Variants in ATF7 observed in about 807,000 individuals in gnomAD.
ATF7 encodes cyclic AMP-dependent transcription factor ATF-7.
In ATF7, 10 loss-of-function variants were observed where a neutral mutation model predicts 50.4. The ratio of observed to expected loss-of-function variants is 0.20; its 90% CI spans 0.12 to 0.34. ATF7 has a LOEUF of 0.34. ATF7 is among the 10% of genes least tolerant of loss of function. The pLI, the probability that ATF7 is intolerant of heterozygous loss-of-function variation, is 1.00. For synonymous variants in ATF7, 201 were observed against 226.4 expected (o/e 0.89, Z 1.01); for missense variants, 465 against 613.9 (o/e 0.76, Z 2.56).
intron 2 of ATF7, among the ~76,000 whole-genome samples, chr12:53,568,356 G>A (rs1172136935): frequency 6.6e-6 from 1 of 151,962 alleles, no homozygotes; most frequent in Non-Finnish European, 1.5e-5. Context: ...CTCTAAAACC[G>A]TCTCTAAACT....
chr12:53,511,851 C>T (rs1184525527), downstream of ATF7, among the ~76,000 whole-genome samples: 1 of 152,224 alleles, frequency 6.6e-6, no homozygotes, highest in Non-Finnish European at 1.5e-5. Flanking sequence ...CCTGGGCCTT[C>T]TGTCATACTT....
chr12:53,517,124 A>G lies in ATF7; in HGVS notation c.*13T>C. On this transcript the variant is annotated 3_prime_UTR_variant, in exon 12 of 12. Coordinates refer to ENST00000420353, the MANE Select transcript of ATF7 (RefSeq NM_006856.3). The stretch of plus-strand genomic sequence containing the variant: ...GCGAGCTCTGGCTGAGGACCTCTCC[A>G]CCAGAGGAGGCATCATCTGCCCGCA... 2 of 1,607,764 alleles carry G rather than the reference A, an allele frequency of 1.2e-6. No homozygotes were observed. Among genetic ancestry groups the G allele is most frequent in the Non-Finnish European group, 1.7e-6 (2 of 1,179,482 alleles).
At chr12:53,542,591 C>T (rs1939643250) in intron 4 of ATF7, among the ~76,000 whole-genome samples, 2 of 152,130 alleles carry the variant, frequency 1.3e-5, no homozygotes, top group Non-Finnish European at 2.9e-5. Flanking sequence ...CATGCCTGAT[C>T]AATCTTTAAA....
intron 2 of ATF7, among the ~76,000 whole-genome samples, chr12:53,595,867 A>T (rs1442865512): frequency 6.6e-6 from 1 of 152,228 alleles, no homozygotes; most frequent in Non-Finnish European, 1.5e-5. Context: ...AGATATGAAG[A>T]GAATTTCAAC....
chr12:53,607,276 C>G (rs1943656820), intron 1 of ATF7, among the ~76,000 whole-genome samples: 2 of 152,190 alleles, frequency 1.3e-5, no homozygotes, highest in South Asian at 4.1e-4. Context: ...GAGATGGTAC[C>G]TCATTGTGGT....
chr12:53,600,040 G>A (rs768192828), intron 2 of ATF7, among the ~76,000 whole-genome samples: 16 of 152,070 alleles, frequency 1.1e-4, no homozygotes, highest in Non-Finnish European at 2.1e-4. Context: ...ATATAATTAC[G>A]TGACAGCTGA....
At chr12:53,534,960 CTG>C (rs1415406213) in intron 5 of ATF7, among the ~76,000 whole-genome samples, 1 of 152,084 alleles carries the variant, frequency 6.6e-6, no homozygotes, top group African/African-American at 2.4e-5. Context: ...ATTCTAGAGA[CTG>C]TTATAATTTT....
chr12:53,528,500 C>T (rs541087798), intron 9 of ATF7, among the ~76,000 whole-genome samples: 24 of 151,570 alleles, frequency 1.6e-4, no homozygotes, highest in African/African-American at 5.3e-4. Context: ...TGGTGGCTCA[C>T]GCCTGTAATC....
intron 2 of ATF7, among the ~76,000 whole-genome samples, chr12:53,592,209 G>A (rs1482494118): frequency 6.6e-6 from 1 of 152,208 alleles, no homozygotes; most frequent in Non-Finnish European, 1.5e-5. Context: ...ACTTTCACAT[G>A]ACAATTGCAA....
chr12:53,592,939 T>C (rs1421087859), intron 2 of ATF7, among the ~76,000 whole-genome samples: 1 of 152,190 alleles, frequency 6.6e-6, no homozygotes, highest in Non-Finnish European at 1.5e-5. Flanking sequence ...ACTTTATGTG[T>C]TAAGTTTTTA....
At chr12:53,546,893 G>C (rs1424031490) in intron 3 of ATF7, among the ~76,000 whole-genome samples, 1 of 151,826 alleles carries the variant, frequency 6.6e-6, no homozygotes, top group Non-Finnish European at 1.5e-5. Context: ...AAGTAGCTGG[G>C]ACCACAGGTG....
chr12:53,621,743 C>T (rs1204016777), intron 1 of ATF7, among the ~76,000 whole-genome samples: 1 of 141,658 alleles, frequency 7.1e-6, no homozygotes, highest in Non-Finnish European at 1.5e-5. Context: ...GAAACAAGAT[C>T]GAGCCACTGT....
intron 2 of ATF7, among the ~76,000 whole-genome samples, chr12:53,586,410 TAAA>T (rs35090595): frequency 1.4e-5 from 2 of 147,672 alleles, no homozygotes; most frequent in African/African-American, 2.5e-5. Flanking sequence ...TGCCACCATG[TAAA>T]AAAAAAAAAA....
chr12:53,599,659 C>T (rs1252691180), intron 2 of ATF7, among the ~76,000 whole-genome samples: 1 of 152,010 alleles, frequency 6.6e-6, no homozygotes, highest in African/African-American at 2.4e-5. Context: ...TTGTCACCAC[C>T]CCCATTTTAT....
intron 1 of ATF7, among the ~76,000 whole-genome samples, chr12:53,616,660 T>C (rs1371653361): frequency 6.6e-6 from 1 of 151,786 alleles, no homozygotes; most frequent in Non-Finnish European, 1.5e-5. Context: ...AGAAAAGGCG[T>C]GGCCGGGTGC....
In ATF7 at chr12:53,523,362, T is replaced by C. The variant is rs778796399; in HGVS notation, c.1148A>G (p.Asn383Ser). 1.6e-5 allele frequency: 26 copies of C among 1,613,716 alleles called. No individual in the cohort carries two copies. The highest frequency in any genetic ancestry group is 1.7e-4 in the Middle Eastern group (1 of 6,042). The stretch of plus-strand genomic sequence containing the variant: ...TAGCTGTTTCAACTGGGCCACCTCA[T>C]TGCGTAGTAATGTGACTTCATTCTG... ...QLSNEVTLLR[N>S]EVAQLKQLLL... The change falls in exon 11 of 12, where the codon AAT becomes AGT. Residue 383 changes from asparagine to serine, a missense_variant. Physicochemically the swap from Asn to Ser is conservative, Grantham distance 46. Coordinates refer to ENST00000420353, the MANE Select transcript of ATF7 (RefSeq NM_006856.3).
In ATF7 at chr12:53,577,513, G is replaced by T. The variant is rs553528413; in HGVS notation, c.48+23440C>A. On this transcript the variant is annotated intron_variant, in intron 2 of 11. Coordinates refer to ENST00000420353, the MANE Select transcript of ATF7 (RefSeq NM_006856.3). The stretch of plus-strand genomic sequence containing the variant: ...GGGTGGATCACGAGGTCAGGAGATC[G>T]AGACCATCTTGGCTAACACAGTGAA... 2.3e-4 allele frequency among the ~76,000 whole-genome samples: 35 copies of T among 151,892 alleles called. No homozygotes were observed. The East Asian group carries it at 6.6e-3, about 29-fold the overall frequency.
intron 1 of ATF7, among the ~76,000 whole-genome samples, chr12:53,611,914 G>A (rs546161450): frequency 2.0e-5 from 3 of 151,704 alleles, no homozygotes; most frequent in Non-Finnish European, 4.4e-5. Flanking sequence ...TTTTTTCAAC[G>A]GTTGAAAAAA....
intron 1 of ATF7, among the ~76,000 whole-genome samples, chr12:53,602,635 C>G (rs1943449679): frequency 6.6e-6 from 1 of 152,266 alleles, no homozygotes; most frequent in South Asian, 2.1e-4. Context: ...TACGTACATA[C>G]ATGTACATGG....
Sources: gnomAD v4.1 joint callset for allele counts (sites outside exome capture counted in the v4.1 genomes callset) on GRCh38, gnomAD v4.1.1 for gene constraint, MANE v1.5 for transcripts, NCBI Gene and HGNC (gene_info 2026-07-23, HGNC 2026-07-21) for gene names.